The following CPS1 variants were observed in gnomAD, a reference collection of about 807,000 sequenced individuals.
The protein encoded by CPS1 is carbamoyl-phosphate synthase 1.
CPS1 carries 109 observed loss-of-function variants against 174.6 expected under a neutral mutation model. That is an observed-to-expected ratio of 0.62 (90% CI 0.53 to 0.73). The LOEUF is 0.73. Ranked by LOEUF, CPS1 falls within the 30% of genes least tolerant of loss-of-function variation. The pLI is 0.00. For synonymous variants in CPS1, 637 were observed against 632.0 expected, an observed-to-expected ratio of 1.01 and a Z score of -0.12; for missense variants, 1,689 against 1,821.9, an observed-to-expected ratio of 0.93 and a Z score of 1.33.
rs913077710 is a variant in CPS1, at chr2:210,548,767, A to G, written c.4-7952A>G. Among the ~76,000 whole-genome samples the G allele has an allele frequency of 2.6e-5, 4 of 152,154 alleles. 1 individual carries two copies. Among genetic ancestry groups the G allele is most frequent in the Non-Finnish European group, 4.4e-5 (3 of 67,980 alleles). On this transcript the variant is annotated intron_variant, in intron 1 of 38. Coordinates refer to the CPS1 transcript ENST00000430249. Reference sequence around the variant, plus strand: ...AAATAAAAAAAGGTACTCCTGCCCTATGACTCAACTTACAAATCTACAAAC... The same window carrying G: ...AAATAAAAAAAGGTACTCCTGCCCTGTGACTCAACTTACAAATCTACAAAC...
chr2:210,605,643 GT>G (rs1698882195), intron 17 of CPS1, among the ~76,000 whole-genome samples: 1 of 151,890 alleles, frequency 6.6e-6, no homozygotes, highest in Non-Finnish European at 1.5e-5. Context: ...AAGTACACTA[GT>G]TAGATAAGAG....
intron 1 of CPS1, among the ~76,000 whole-genome samples, chr2:210,548,467 T>C (rs1696621338): frequency 6.6e-6 from 1 of 152,070 alleles, no homozygotes; most frequent in African/African-American, 2.4e-5. Context: ...AGAATGATCT[T>C]GATAGGGGCA....
In CPS1 at chr2:210,497,914, A is replaced by ATG. The variant is rs1487668275; in HGVS notation, c.3+20149_3+20150insGT. Among the ~76,000 whole-genome samples, 111 of 141,264 alleles carry ATG rather than the reference A, an allele frequency of 7.9e-4. 1 individual carries two copies. The highest frequency in any genetic ancestry group is 2.9e-3 in the African/African-American group (111 of 37,926). 92.7% of individuals were successfully genotyped at this position (141,264 alleles called of 152,430 possible). A position where few individuals can be genotyped will look rare whatever the true frequency, so the allele number is the denominator to read the frequency against. On this transcript the variant is annotated intron_variant, in intron 1 of 38. Coordinates refer to the CPS1 transcript ENST00000430249. ...CATACATATATATATATATATATATATATATCTCCAGTAATGCAGTCATGG... is the reference window on the plus strand; with the variant it reads ...CATACATATATATATATATATATATATGTATATCTCCAGTAATGCAGTCATGG...
intron 18 of CPS1, 31 bp from the exon 19 acceptor site, chr2:210,608,329 GA>G (rs746572449): frequency 3.2e-5 from 51 of 1,572,182 alleles, no homozygotes; most frequent in Non-Finnish European, 4.0e-5. Flanking sequence ...ATTGCTCGAA[GA>G]AAAAAAAATA....
chr2:210,629,378 G>T (rs1699792127), intron 21 of CPS1, among the ~76,000 whole-genome samples: 1 of 151,904 alleles, frequency 6.6e-6, no homozygotes, highest in African/African-American at 2.4e-5. Flanking sequence ...GCAGTGGCGC[G>T]ATCTCGGCTC....
chr2:210,628,176 C>CT (rs1699750315), intron 21 of CPS1, among the ~76,000 whole-genome samples: 1 of 152,180 alleles, frequency 6.6e-6, no homozygotes, highest in Non-Finnish European at 1.5e-5. Flanking sequence ...CCCTCCCCTT[C>CT]TACCCACTCT....
chr2:210,495,991 G>T (rs1694982649), intron 1 of CPS1, among the ~76,000 whole-genome samples: 2 of 151,140 alleles, frequency 1.3e-5, no homozygotes, highest in South Asian at 4.2e-4. Flanking sequence ...TTCCCTCCCT[G>T]TGTTCTTCCT....
chr2:210,512,839 C>T (rs62203706), intron 1 of CPS1, among the ~76,000 whole-genome samples: 71,380 of 81,620 alleles, frequency 0.87, 31,744 homozygotes, highest in Middle Eastern at 0.94. Context: ...TGGAGATATA[C>T]ATATATGGAG....
intron 33 of CPS1, among the ~76,000 whole-genome samples, chr2:210,664,029 G>T (rs139891812): frequency 4.6e-5 from 7 of 152,292 alleles, no homozygotes; most frequent in South Asian, 4.2e-4. Context: ...TTACAAGCAA[G>T]ATCTGTGATG....
intron 1 of CPS1, among the ~76,000 whole-genome samples, chr2:210,558,590 C>T (rs912265492): frequency 6.6e-6 from 1 of 151,992 alleles, no homozygotes; most frequent in African/African-American, 2.4e-5. Flanking sequence ...GGAATATCTT[C>T]TTCTCACTCT....
intron 1 of CPS1, among the ~76,000 whole-genome samples, chr2:210,499,419 A>G (rs780742249): frequency 3.3e-4 from 50 of 152,070 alleles, no homozygotes; most frequent in Non-Finnish European, 6.3e-4. Flanking sequence ...GTGACAGGGG[A>G]GAGCACAATT....
intron 1 of CPS1, among the ~76,000 whole-genome samples, chr2:210,564,964 C>A (rs1245928045): frequency 6.6e-6 from 1 of 151,368 alleles, no homozygotes; most frequent in Non-Finnish European, 1.5e-5. Flanking sequence ...CACTGCACTC[C>A]AGCTTGGTCG....
intron 1 of CPS1, among the ~76,000 whole-genome samples, chr2:210,490,067 A>AGAAGGAAG (rs146316563): frequency 0.19 from 28,470 of 150,808 alleles, 3,424 homozygotes; most frequent in Middle Eastern, 0.32. Flanking sequence ...GATGGAAGGA[A>AGAAGGAAG]GAAGGAAGGA....
chr2:210,636,561 T>C (rs1183295551), intron 21 of CPS1, among the ~76,000 whole-genome samples: 2 of 152,086 alleles, frequency 1.3e-5, no homozygotes, highest in Non-Finnish European at 1.5e-5. Context: ...ATTCTTTGCC[T>C]TTATGGAACT....
intron 1 of CPS1, among the ~76,000 whole-genome samples, chr2:210,530,322 T>A (rs2664234): frequency 0.42 from 64,441 of 151,808 alleles, 13,922 homozygotes; most frequent in Middle Eastern, 0.53. Context: ...AATGATTTTT[T>A]AAAAATTCCA....
intron 1 of CPS1, among the ~76,000 whole-genome samples, chr2:210,500,116 C>T (rs1396901657): frequency 1.3e-5 from 2 of 152,082 alleles, no homozygotes; most frequent in Non-Finnish European, 2.9e-5. Context: ...CTCATGAGAA[C>T]TCATCCACTA....
rs554763314 is a variant in CPS1 at position 210,612,183 on chromosome 2, A to G, written c.2458A>G (p.Ile820Val). The change falls in exon 20 of 38, where the codon ATA becomes GTA. Residue 820 changes from isoleucine to valine, a missense_variant. Coordinates refer to ENST00000233072, the MANE Select transcript of CPS1 (RefSeq NM_001875.5). ...AGCTTTACGGATGTGCCACCCATCT[A>G]TAGAAGGTTTCACTCCCCGTCTCCC... Reference protein sequence around the residue: ...QKALRMCHPSIEGFTPRLPMN... With the variant: ...QKALRMCHPSVEGFTPRLPMN... 4.2e-5 allele frequency: 67 copies of G among 1,612,242 alleles called. No homozygotes were observed. Among genetic ancestry groups the G allele is most frequent in the Non-Finnish European group, 5.3e-5 (63 of 1,178,876 alleles).
At chr2:210,525,796 A>T (rs200043316) in intron 1 of CPS1, among the ~76,000 whole-genome samples, 1 of 141,292 alleles carries the variant, frequency 7.1e-6, no homozygotes, top group East Asian at 2.1e-4. Flanking sequence ...CATTCCAAGC[A>T]AAGTAAAATG....
intron 1 of CPS1, among the ~76,000 whole-genome samples, chr2:210,534,661 T>A (rs1696201154): frequency 6.6e-6 from 1 of 152,242 alleles, no homozygotes; most frequent in African/African-American, 2.4e-5. Context: ...AACTCAGGTA[T>A]ACAGAAATGA....
Sources: gnomAD v4.1 joint callset for allele counts (sites outside exome capture counted in the v4.1 genomes callset) on GRCh38, gnomAD v4.1.1 for gene constraint, MANE v1.5 for transcripts, NCBI Gene and HGNC (gene_info 2026-07-23, HGNC 2026-07-21) for gene names.